Variants in CCND3 observed in about 807,000 individuals in gnomAD.
CCND3 encodes the protein G1/S-specific cyclin-D3.
CCND3 carries 9 observed loss-of-function variants against 28.7 expected under a neutral mutation model. That is an observed-to-expected ratio of 0.31 (90% CI 0.19 to 0.55). The LOEUF is 0.55. CCND3 is among the 20% of genes least tolerant of loss of function. The pLI, the probability that CCND3 is intolerant of heterozygous loss-of-function variation, is 0.93. For missense variants in CCND3, 315 were observed against 385.8 expected, an observed-to-expected ratio of 0.82 and a Z score of 1.54; for synonymous variants, 164 against 163.9, an observed-to-expected ratio of 1.00 and a Z score of 0.00.
At chr6:41,975,993 C>CA (rs1272059716) in intron 1 of CCND3, among the ~76,000 whole-genome samples, 2 of 151,860 alleles carry the variant, frequency 1.3e-5, no homozygotes, top group Admixed American at 1.3e-4. Flanking sequence ...CACTTGAGCC[C>CA]AAAAGTTCAA....
intron 1 of CCND3, among the ~76,000 whole-genome samples, chr6:41,959,052 C>T (rs542494686): frequency 2.6e-5 from 4 of 152,132 alleles, no homozygotes; most frequent in Non-Finnish European, 4.4e-5. Context: ...CGGTGGCTCA[C>T]GCCTGTAATC....
chr6:41,992,463 GT>G lies in CCND3; in HGVS notation c.-45-51879del, dbSNP rs373285628. Among the ~76,000 whole-genome samples the G allele has an allele frequency of 4.1e-3, 499 of 120,424 alleles. 5 individuals are homozygous for G. The highest frequency in any genetic ancestry group is 0.015 in the African/African-American group (474 of 31,042). The allele number at this position is 120,424 out of a possible 152,430, so 79.0% of individuals were successfully genotyped here. On this transcript the variant is annotated intron_variant, in intron 1 of 4. Coordinates refer to the CCND3 transcript ENST00000372988. ...AGGCATGAGCCACCACACCCAGCCG[GT>G]TTTTTTTTTTTTTTTTAGATGGAGT...
chr6:41,982,866 C>T (rs1762386500), intron 1 of CCND3, among the ~76,000 whole-genome samples: 1 of 125,070 alleles, frequency 8.0e-6, no homozygotes, highest in South Asian at 2.8e-4. Flanking sequence ...GCTGGAACAA[C>T]TGGACATCCA....
chr6:41,985,053 T>A (rs1030321000), intron 1 of CCND3, among the ~76,000 whole-genome samples: 2 of 152,166 alleles, frequency 1.3e-5, no homozygotes, highest in Non-Finnish European at 1.5e-5. Context: ...GAATATTAAT[T>A]TCCTATGAAA....
chr6:41,940,493 C>G lies in CCND3; in HGVS notation c.291G>C (p.Ala97=). The change falls in exon 2 of 5, where the codon GCG becomes GCC. Residue 97 remains alanine, a synonymous_variant. Coordinates refer to ENST00000372991, the MANE Select transcript of CCND3 (RefSeq NM_001760.5). ...RYLSCVPTRK[A]QLQLLGAVCM... is the part of the protein sequence containing the mutation. ...AGACCGCACCCAGGAGCTGCAACTG[C>G]GCCTTTCGGGTGGGGACGCAAGACA... 6.2e-7 allele frequency: 1 copy of G among 1,614,086 alleles called. No individual in the cohort carries two copies. The highest frequency in any genetic ancestry group is 2.2e-5 in the East Asian group (1 of 44,868).
upstream of CCND3, among the ~76,000 whole-genome samples, chr6:41,944,163 C>T (rs2127396968): frequency 6.6e-6 from 1 of 151,514 alleles, no homozygotes; most frequent in South Asian, 2.1e-4. Flanking sequence ...AGACTCCTAT[C>T]TCTACAAAAA....
At chr6:41,992,201 C>T (rs933781914) in intron 1 of CCND3, among the ~76,000 whole-genome samples, 4 of 152,090 alleles carry the variant, frequency 2.6e-5, no homozygotes, top group East Asian at 1.9e-4. Flanking sequence ...CTCACTCTGT[C>T]GCCCAGGCTG....
chr6:42,044,334 G>T (rs1441488661), intron 1 of CCND3, among the ~76,000 whole-genome samples: 1 of 152,112 alleles, frequency 6.6e-6, no homozygotes, highest in African/African-American at 2.4e-5. Context: ...TGAAGAACCC[G>T]GCAACACTCT....
In CCND3 at chr6:41,940,529, C is replaced by T. The variant is rs1250806635; in HGVS notation, c.255G>A (p.Leu85=). 1 of 1,613,784 alleles carries T rather than the reference C, an allele frequency of 6.2e-7. No homozygotes were observed. Among genetic ancestry groups the T allele is most frequent in the African/African-American group, 1.3e-5 (1 of 74,810 alleles). The part of the protein sequence containing the change: ...EEVFPLAMNY[L]DRYLSCVPTR... ...TGGGGACGCAAGACAGGTAGCGATC[C>T]AGGTAGTTCATGGCCAGGGGGAAGA... is the stretch of plus-strand genomic sequence containing the variant. Residue 85 remains leucine, a synonymous_variant, in exon 2 of 5, where the codon CTG becomes CTA. Transcript: ENST00000372991.
At chr6:41,945,555 A>G (rs1322565113), upstream of CCND3, among the ~76,000 whole-genome samples, 1 of 152,160 alleles carries the variant, frequency 6.6e-6, no homozygotes, top group Non-Finnish European at 1.5e-5. Flanking sequence ...GAGGCTGAAC[A>G]AGGTGATGGG....
At chr6:41,950,390 G>A (rs1776273927) in intron 1 of CCND3, among the ~76,000 whole-genome samples, 2 of 152,128 alleles carry the variant, frequency 1.3e-5, no homozygotes, top group Non-Finnish European at 2.9e-5. Flanking sequence ...AGTGAGCTCT[G>A]GATTTAGGTT....
chr6:42,049,403 C>T (rs1376217676), upstream of CCND3, among the ~76,000 whole-genome samples: 1 of 152,202 alleles, frequency 6.6e-6, no homozygotes, highest in Non-Finnish European at 1.5e-5. Context: ...TCTCATCTTT[C>T]CCCCAGCTTT....
Position 41,951,925 on chromosome 6 carries a change from G to GT in CCND3, c.-45-11341dup, listed in dbSNP as rs200388136. ...AGGTGCTCGCCACCACACTCAGCTAGTTTTTTTTGTATTTTTAGTAGAGAC... is the reference window on the plus strand; with the variant it reads ...AGGTGCTCGCCACCACACTCAGCTAGTTTTTTTTTGTATTTTTAGTAGAGAC... On this transcript the variant is annotated intron_variant, in intron 1 of 4. Coordinates refer to the CCND3 transcript ENST00000372988. Among the ~76,000 whole-genome samples the GT allele has an allele frequency of 1.4e-3, 219 of 151,524 alleles. 5 individuals carry two copies. In the East Asian group the frequency reaches 0.04, roughly 28 times the overall value.
At chr6:42,001,359 C>CT (rs1763005749) in intron 1 of CCND3, among the ~76,000 whole-genome samples, 1 of 151,342 alleles carries the variant, frequency 6.6e-6, no homozygotes, top group Non-Finnish European at 1.5e-5. Flanking sequence ...TCCCAAATGT[C>CT]TATCAACAAG....
chr6:41,986,570 G>A lies in CCND3; in HGVS notation c.-45-45985C>T, dbSNP rs1473345553. Among the ~76,000 whole-genome samples the A allele has an allele frequency of 2.0e-5, 3 of 149,252 alleles. No homozygotes were observed. In the East Asian group the frequency reaches 5.9e-4, roughly 29 times the overall value. ...GGATTATTGTTTTGATTTCTTTGGG[G>A]GATAGTTTGTTGTTAGTGTATAGAA... On this transcript the variant is annotated intron_variant, in intron 1 of 4. Coordinates refer to the CCND3 transcript ENST00000372988.
intron 1 of CCND3, among the ~76,000 whole-genome samples, chr6:41,956,979 CA>C (rs1163579468): frequency 1.4e-4 from 22 of 152,124 alleles, no homozygotes; most frequent in Admixed American, 3.9e-4. Flanking sequence ...TGCAGTGAGC[CA>C]AGATCGCACC....
At chr6:42,021,357 C>T (rs1213394588) in intron 1 of CCND3, among the ~76,000 whole-genome samples, 3 of 152,148 alleles carry the variant, frequency 2.0e-5, no homozygotes, top group Non-Finnish European at 2.9e-5. Flanking sequence ...TCTGTTTCCC[C>T]TCACTCATTT....
chr6:41,967,767 A>T (rs556737368), intron 1 of CCND3, among the ~76,000 whole-genome samples: 5 of 152,274 alleles, frequency 3.3e-5, no homozygotes, highest in African/African-American at 1.2e-4. Flanking sequence ...GACTTGCAGA[A>T]CCTGTTAACT....
intron 1 of CCND3, among the ~76,000 whole-genome samples, chr6:41,989,790 T>C (rs1188216602): frequency 1.3e-5 from 2 of 152,146 alleles, no homozygotes; most frequent in East Asian, 3.8e-4. Flanking sequence ...TGACTAAAAG[T>C]ACTATTCTAT....
Sources: gnomAD v4.1 joint callset for allele counts (sites outside exome capture counted in the v4.1 genomes callset) on GRCh38, gnomAD v4.1.1 for gene constraint, MANE v1.5 for transcripts, NCBI Gene and HGNC (gene_info 2026-07-23, HGNC 2026-07-21) for gene names.